GET4: variants seen among roughly 807,000 people sequenced by gnomAD.
GET4 encodes the protein Golgi to ER traffic protein 4 homolog.
GET4 carries 20 observed loss-of-function variants against 40.0 expected under a neutral mutation model. That is an observed-to-expected ratio of 0.50 (90% CI 0.35 to 0.73). The LOEUF (loss-of-function observed/expected upper bound fraction) is 0.73. GET4 is among the 30% of genes least tolerant of loss of function. GET4 has a pLI of 0.01. For missense variants in GET4, 557 were observed against 454.0 expected, an observed-to-expected ratio of 1.23 and a Z score of -2.06; for synonymous variants, 280 against 194.6, an observed-to-expected ratio of 1.44 and a Z score of -3.65.
chr7:877,025 C>T (rs548560368), intron 1 of GET4, among the ~76,000 whole-genome samples: 1 of 151,880 alleles, frequency 6.6e-6, no homozygotes, highest in Admixed American at 6.5e-5. Flanking sequence ...ACTCCCGCCT[C>T]GGCTTCCTTC....
At chr7:894,723 AAG>A (rs773783864) in intron 8 of GET4, among the ~76,000 whole-genome samples, 31 of 152,320 alleles carry the variant, frequency 2.0e-4, no homozygotes, top group Non-Finnish European at 3.4e-4. Flanking sequence ...CGTCGTGGAT[AAG>A]AGAGGGTGAC....
chr7:890,393 G>A (rs1390267789), intron 4 of GET4, among the ~76,000 whole-genome samples: 1 of 81,904 alleles, frequency 1.2e-5, no homozygotes, highest in Non-Finnish European at 2.6e-5. Flanking sequence ...GGGAGTGGAG[G>A]GAGTGTGAGC....
chr7:876,923 C>A, intron 1 of GET4, 123 bp downstream of exon 1: 1 of 380,522 alleles, frequency 2.6e-6, no homozygotes, highest in Non-Finnish European at 3.7e-6. Context: ...CGAGCTGGAC[C>A]CAGGGGCCGC....
In GET4 at chr7:895,319, T is replaced by C; in HGVS notation, c.896-15T>C. ...GGCTGCCCAGGCGTGACTGCCACGG[T>C]GTTCTTCTTTCCAGGGAACCTTCTG... On this transcript the variant is annotated splice_polypyrimidine_tract_variant and intron_variant, in intron 8 of 8. Transcript: ENST00000265857. 7.1e-7 allele frequency: 1 copy of C among 1,403,540 alleles called. No homozygotes were observed. Among genetic ancestry groups the C allele is most frequent in the Non-Finnish European group, 1.0e-6 (1 of 995,392 alleles). The allele number at this position is 1,403,540 out of a possible 1,614,324, so 86.9% of individuals were successfully genotyped here. A position where few individuals can be genotyped will look rare whatever the true frequency, so the allele number is the denominator to read the frequency against.
chr7:876,722 TG>T lies in GET4; in HGVS notation c.79del (p.Glu27ArgfsTer88). ...CGCAACCGCGGCGGCGTCCAGCGTG[TG>T]GAGGGCAAGCTGCGCGCCAGCGTCG... ...GGRNRGGVQR[V>X]EGKLRASVEK... On this transcript the variant is annotated frameshift_variant, in exon 1 of 9. Transcript: ENST00000265857. LOFTEE classifies it high-confidence loss of function. 1 of 1,376,290 alleles carries T rather than the reference TG, an allele frequency of 7.3e-7. No homozygotes were observed. The highest frequency in any genetic ancestry group is 9.5e-7 in the Non-Finnish European group (1 of 1,049,444). The allele number at this position is 1,376,290 out of a possible 1,614,324, so 85.3% of individuals were successfully genotyped here.
At chr7:891,589 C>T (rs1585499625) in intron 5 of GET4, among the ~76,000 whole-genome samples, 1 of 152,268 alleles carries the variant, frequency 6.6e-6, no homozygotes, top group Non-Finnish European at 1.5e-5. Flanking sequence ...CTGCCTGCTC[C>T]AGGGGCTGGC....
At chr7:881,202 A>G (rs888386459) in intron 1 of GET4, 1 of 152,146 alleles carries the variant, frequency 6.6e-6, no homozygotes, top group African/African-American at 2.4e-5. Flanking sequence ...AATATATGTA[A>G]TTGCACATTT....
At chr7:878,976 A>AC (rs11294677) in intron 1 of GET4, among the ~76,000 whole-genome samples, 38,769 of 149,580 alleles carry the variant, frequency 0.26, 5,086 homozygotes, top group South Asian at 0.29. Context: ...CCCCACAGAC[A>AC]CCCCCCCCCG....
chr7:883,143 T>C (rs1287605455), intron 1 of GET4: 1 of 152,176 alleles, frequency 6.6e-6, no homozygotes, highest in Non-Finnish European at 1.5e-5. Context: ...CTTCTCGGAG[T>C]GACTCCTGGC....
chr7:877,157 GTC>G (rs1269584114), intron 1 of GET4, among the ~76,000 whole-genome samples: 1 of 150,360 alleles, frequency 6.7e-6, no homozygotes, highest in Non-Finnish European at 1.5e-5. Context: ...TCGTCCTTCG[GTC>G]TCTGTCTCTC....
chr7:893,044 AGT>A (rs1554268542), intron 6 of GET4, among the ~76,000 whole-genome samples: 1 of 97,224 alleles, frequency 1.0e-5, no homozygotes, highest in South Asian at 3.4e-4. Flanking sequence ...TGTGCAGGTG[AGT>A]GTTGGGTGTG....
chr7:892,561 C>CT, intron 6 of GET4, 143 bp downstream of exon 6: 1 of 785,266 alleles, frequency 1.3e-6, no homozygotes, highest in Non-Finnish European at 2.0e-6. Flanking sequence ...GGTATGAGTG[C>CT]TGGGTGTAGA....
Position 876,621 on chromosome 7 carries a change from C to A in GET4, c.-25C>A. Reference sequence around the variant, plus strand: ...CTGCCGACCGCGCCTGCGACAGCGTCAGCCCTGCGCGGAGCGCCGGCCCGA... The same window carrying A: ...CTGCCGACCGCGCCTGCGACAGCGTAAGCCCTGCGCGGAGCGCCGGCCCGA... On this transcript the variant is annotated 5_prime_UTR_variant, in exon 1 of 9. Transcript: ENST00000265857. The A allele has an allele frequency of 8.3e-7, 1 of 1,200,164 alleles. No individual in the cohort carries two copies. The highest frequency in any genetic ancestry group is 1.6e-5 in the African/African-American group (1 of 62,026). 74.3% of individuals were successfully genotyped at this position (1,200,164 alleles called of 1,614,324 possible).
chr7:895,949 A>C lies in GET4; in HGVS notation c.*527A>C, dbSNP rs1212907686. On this transcript the variant is annotated 3_prime_UTR_variant, in exon 9 of 9. Coordinates refer to ENST00000265857, the MANE Select transcript of GET4 (RefSeq NM_015949.3). ...CCGGTCCCCGTCGCAGACGGAGTGCACGTGCCCTGCGCCACATCCTCACGC... is the reference window on the plus strand; with the variant it reads ...CCGGTCCCCGTCGCAGACGGAGTGCCCGTGCCCTGCGCCACATCCTCACGC... The C allele has an allele frequency of 6.6e-6, 1 of 152,282 alleles. No homozygotes were observed. The highest frequency in any genetic ancestry group is 6.5e-5 in the Admixed American group (1 of 15,294). 9.4% of individuals were successfully genotyped at this position (152,282 alleles called of 1,614,324 possible).
Position 884,129 on chromosome 7 carries a change from C to T in GET4, c.156-1927C>T, listed in dbSNP as rs1477135177. On this transcript the variant is annotated intron_variant, in intron 1 of 8. Transcript: ENST00000265857. ...TCTAAGTCGCCACCTCTTGCTTTACCTCAGATAGAAGCATCCAGAACGCTG... is the reference window on the plus strand; with the variant it reads ...TCTAAGTCGCCACCTCTTGCTTTACTTCAGATAGAAGCATCCAGAACGCTG... The T allele has an allele frequency of 4.9e-6, 6 of 1,233,030 alleles. No homozygotes were observed. The Admixed American group carries it at 1.4e-4, about 30-fold the overall frequency. 76.4% of individuals were successfully genotyped at this position (1,233,030 alleles called of 1,614,324 possible). A position where few individuals can be genotyped will look rare whatever the true frequency, so the allele number is the denominator to read the frequency against.
At chr7:878,632 G>T (rs1354351761) in intron 1 of GET4, among the ~76,000 whole-genome samples, 2 of 149,196 alleles carry the variant, frequency 1.3e-5, no homozygotes, top group Admixed American at 6.7e-5. Context: ...AGGCTGGAGT[G>T]CAATGGTGGG....
chr7:876,835 C>T, intron 1 of GET4, 35 bp downstream of exon 1: 5 of 1,089,520 alleles, frequency 4.6e-6, no homozygotes, highest in South Asian at 4.3e-5. Context: ...AGCCCAGCGC[C>T]CGCCCCCGCC....
At chr7:878,352 C>T (rs758974430) in intron 1 of GET4, 1 of 471,126 alleles carries the variant, frequency 2.1e-6, no homozygotes, top group South Asian at 1.5e-5. Flanking sequence ...GTAAATTATG[C>T]ATATCAGATT....
intron 4 of GET4, among the ~76,000 whole-genome samples, chr7:888,039 G>A (rs1174306640): frequency 6.6e-6 from 1 of 152,176 alleles, no homozygotes; most frequent in East Asian, 1.9e-4. Context: ...GTGCTAATGG[G>A]GGTTTAGAAG....
Sources: allele counts gnomAD v4.1 joint callset (sites outside exome capture counted in the v4.1 genomes callset), GRCh38; gene constraint gnomAD v4.1.1; transcripts MANE v1.5; gene names NCBI Gene and HGNC (gene_info 2026-07-23, HGNC 2026-07-21).